The following TBC1D32 variants were observed in gnomAD, a reference collection of about 807,000 sequenced individuals.
The protein encoded by TBC1D32 is protein broad-minded.
TBC1D32 carries 151 observed loss-of-function variants against 170.3 expected under a neutral mutation model. The observed-to-expected ratio is 0.89, with a 90% confidence interval of 0.78 to 1.01. The LOEUF (loss-of-function observed/expected upper bound fraction) is 1.01, where lower values mean the gene tolerates loss of function less well. Among genes scored for constraint, TBC1D32 ranks in the 50% least tolerant of loss-of-function variants. TBC1D32 has a pLI of 0.00. For synonymous variants in TBC1D32, 498 were observed against 488.0 expected (o/e 1.02, Z -0.27); for missense variants, 1,464 against 1,457.1 (o/e 1.00, Z -0.08).
chr6:121,192,680 A>C (rs995326562), intron 22 of TBC1D32: 5 of 152,068 alleles, frequency 3.3e-5, no homozygotes, highest in African/African-American at 1.2e-4. Context: ...AAAGAATGGG[A>C]CCCTGCAATT....
intron 21 of TBC1D32, among the ~76,000 whole-genome samples, chr6:121,213,524 TAAATAAAATA>T (rs1554271961): frequency 3.2e-5 from 1 of 31,262 alleles, no homozygotes; most frequent in African/African-American, 1.7e-4. Context: ...TAAAATAAAA[TAAATAAAATA>T]AAATAAAATA....
At position 121,113,851 on chromosome 6, in the gene TBC1D32, CCTTA is replaced by C. The variant is rs570020187; in HGVS notation, c.3054-678_3054-675del. Among the ~76,000 whole-genome samples the C allele has an allele frequency of 1.1e-4, 17 of 152,104 alleles. No homozygotes were observed. The East Asian group carries it at 3.1e-3, about 28-fold the overall frequency. On this transcript the variant is annotated intron_variant, in intron 27 of 31. Coordinates refer to ENST00000398212, the MANE Select transcript of TBC1D32 (RefSeq NM_152730.6). ...CTTTTGTACTTCTGTACTTTTGAAA[CCTTA>C]CTAATAATTGTTCACCATTTTTTAA... is the stretch of plus-strand genomic sequence containing the variant.
chr6:121,147,647 A>T (rs775527611), intron 24 of TBC1D32, among the ~76,000 whole-genome samples: 10 of 151,922 alleles, frequency 6.6e-5, no homozygotes, highest in Non-Finnish European at 1.2e-4. Context: ...GCTGGAGTGC[A>T]GTGGTGCAAT....
chr6:121,151,236 T>G (rs1298009528), intron 24 of TBC1D32, among the ~76,000 whole-genome samples: 2 of 152,250 alleles, frequency 1.3e-5, no homozygotes. Flanking sequence ...ATTTACTTGT[T>G]ACTGCCTAAA....
chr6:121,187,319 T>C (rs1454827152), intron 22 of TBC1D32, among the ~76,000 whole-genome samples: 1 of 152,110 alleles, frequency 6.6e-6, no homozygotes, highest in Non-Finnish European at 1.5e-5. Flanking sequence ...AAAGCATAAC[T>C]AAGTCTTATA....
chr6:121,304,243 T>G, intron 8 of TBC1D32, 122 bp downstream of exon 8: 2 of 781,682 alleles, frequency 2.6e-6, no homozygotes, highest in Non-Finnish European at 3.9e-6. Context: ...AATAAAAATT[T>G]TATTAATCCC....
intron 15 of TBC1D32, among the ~76,000 whole-genome samples, chr6:121,276,714 G>A (rs1360727748): frequency 6.6e-6 from 1 of 152,144 alleles, no homozygotes; most frequent in African/African-American, 2.4e-5. Context: ...ATGGAGGAAA[G>A]ACATACCATG....
At chr6:121,307,382 C>A (rs1040976391) in intron 5 of TBC1D32, among the ~76,000 whole-genome samples, 76 of 152,022 alleles carry the variant, frequency 5.0e-4, no homozygotes, top group Non-Finnish European at 7.2e-4. Flanking sequence ...TCTCAAAAAA[C>A]AAAATGAAAC....
intron 15 of TBC1D32, among the ~76,000 whole-genome samples, chr6:121,275,587 C>G (rs1802103050): frequency 6.6e-6 from 1 of 152,070 alleles, no homozygotes; most frequent in Non-Finnish European, 1.5e-5. Flanking sequence ...AAAACATTTA[C>G]AAACTGATTA....
chr6:121,328,767 A>T (rs769299744), intron 1 of TBC1D32, among the ~76,000 whole-genome samples: 3 of 152,178 alleles, frequency 2.0e-5, no homozygotes, highest in Admixed American at 1.3e-4. Flanking sequence ...AATGGTGATG[A>T]TAATCTTAAT....
chr6:121,265,592 G>A (rs201695499), intron 15 of TBC1D32, among the ~76,000 whole-genome samples: 4 of 148,544 alleles, frequency 2.7e-5, no homozygotes, highest in African/African-American at 7.6e-5. Context: ...AACCAAAAAA[G>A]AAAAAAAAAA....
At chr6:121,213,542 A>G (rs1348620743) in intron 21 of TBC1D32, among the ~76,000 whole-genome samples, 1 of 132,940 alleles carries the variant, frequency 7.5e-6, no homozygotes, top group Non-Finnish European at 1.5e-5. Flanking sequence ...ATAAAATAAA[A>G]TAAAATAAAA....
chr6:121,263,905 A>G (rs1800101315), intron 15 of TBC1D32, among the ~76,000 whole-genome samples: 1 of 152,304 alleles, frequency 6.6e-6, no homozygotes, highest in East Asian at 1.9e-4. Flanking sequence ...CAAAAAGACA[A>G]TGTACCAAAA....
intron 26 of TBC1D32, 157 bp from the exon 27 acceptor site, chr6:121,115,398 T>C (rs1779593529): frequency 6.2e-6 from 3 of 481,286 alleles, no homozygotes; most frequent in Non-Finnish European, 1.0e-5. Context: ...CAGTTACATT[T>C]TCAAAGGAAT....
At chr6:121,309,647 G>A (rs551918673) in intron 4 of TBC1D32, among the ~76,000 whole-genome samples, 2 of 152,112 alleles carry the variant, frequency 1.3e-5, no homozygotes, top group Admixed American at 1.3e-4. Context: ...ATTTCATGCT[G>A]ACTTTCAAAT....
At chr6:121,269,601 G>A (rs1801062959) in intron 15 of TBC1D32, among the ~76,000 whole-genome samples, 1 of 152,124 alleles carries the variant, frequency 6.6e-6, no homozygotes, top group African/African-American at 2.4e-5. Context: ...GGAGCACCCA[G>A]ATTCATAAAG....
rs1382071110 is a variant in TBC1D32 at position 121,174,324 on chromosome 6, CT to C, written c.2571-13269del. 2.0e-5 allele frequency among the ~76,000 whole-genome samples: 3 copies of C among 152,104 alleles called. No homozygotes were observed. In the East Asian group the frequency reaches 5.8e-4, roughly 29 times the overall value. On this transcript the variant is annotated intron_variant, in intron 22 of 31. Coordinates refer to ENST00000398212, the MANE Select transcript of TBC1D32 (RefSeq NM_152730.6). ...ACTGAAATAATCTAACATGATATAT[CT>C]TTAAAGATATTAGTCAAGAAATTCT...
At chr6:121,285,597 G>A (rs1194504342) in intron 12 of TBC1D32, among the ~76,000 whole-genome samples, 1 of 152,118 alleles carries the variant, frequency 6.6e-6, no homozygotes, top group Admixed American at 6.6e-5. Context: ...CGACGCAGAA[G>A]ACGGGTGATT....
In TBC1D32 at chr6:121,304,628, G is replaced by GAA; in HGVS notation, c.770-5_770-4dup. Reference sequence around the variant, plus strand: ...AAAGTATGACTCCAAATACTTAGCTGAAAAAAAAGGGAAAACATAAAATTA... The same window carrying GAA: ...AAAGTATGACTCCAAATACTTAGCTGAAAAAAAAAAGGGAAAACATAAAATTA... On this transcript the variant is annotated splice_polypyrimidine_tract_variant and splice_region_variant and intron_variant, in intron 6 of 31. Transcript: ENST00000398212. 15 of 1,576,950 alleles carry GAA rather than the reference G, an allele frequency of 9.5e-6. No homozygotes were observed. The highest frequency in any genetic ancestry group is 2.2e-5 in the East Asian group (1 of 44,570).
Sources: allele counts gnomAD v4.1 joint callset (sites outside exome capture counted in the v4.1 genomes callset), GRCh38; gene constraint gnomAD v4.1.1; transcripts MANE v1.5; gene names NCBI Gene and HGNC (gene_info 2026-07-23, HGNC 2026-07-21).